Variants in C3orf33 observed in about 807,000 individuals in gnomAD.
C3orf33 encodes the protein AP-1 activity suppressor.
In C3orf33, 23 loss-of-function variants were observed where a neutral mutation model predicts 28.7. The ratio of observed to expected loss-of-function variants is 0.80; its 90% CI spans 0.58 to 1.13. The LOEUF is 1.13. Among genes scored for constraint, C3orf33 ranks in the 50% most tolerant of loss-of-function variants. C3orf33 has a pLI of 0.00. For synonymous variants in C3orf33, 119 were observed against 120.5 expected (o/e 0.99, Z 0.08); for missense variants, 327 against 353.4 (o/e 0.93, Z 0.60).
chr3:155,775,673 AGTTTC>A, intron 3 of C3orf33, 23 bp downstream of exon 3: 14 of 1,406,356 alleles, frequency 1.0e-5, no homozygotes, highest in Non-Finnish European at 1.4e-5. Flanking sequence ...CACAATAGTT[AGTTTC>A]ATTAATCTTG....
At chr3:155,798,799 A>C (rs191688154) in intron 2 of C3orf33, among the ~76,000 whole-genome samples, 195 of 152,340 alleles carry the variant, frequency 1.3e-3, no homozygotes, top group Non-Finnish European at 1.8e-3. Context: ...AAGCTTCTGC[A>C]CCACAAAGGA....
chr3:155,766,030 C>A (rs1035537720), intron 4 of C3orf33, among the ~76,000 whole-genome samples: 1 of 152,108 alleles, frequency 6.6e-6, no homozygotes, highest in Admixed American at 6.6e-5. Flanking sequence ...AAATTCTAAT[C>A]ATCTTATTTT....
chr3:155,792,870 G>A (rs533230422), intron 2 of C3orf33, among the ~76,000 whole-genome samples: 17 of 152,168 alleles, frequency 1.1e-4, no homozygotes, highest in African/African-American at 4.1e-4. Flanking sequence ...AAGAGTTATT[G>A]GCCTTGAAAA....
chr3:155,803,646 C>T (rs1156555962), intron 1 of C3orf33, among the ~76,000 whole-genome samples: 1 of 151,292 alleles, frequency 6.6e-6, no homozygotes, highest in African/African-American at 2.4e-5. Flanking sequence ...TTGGGGAGGC[C>T]GAGGCGGGTG....
intron 4 of C3orf33, among the ~76,000 whole-genome samples, chr3:155,765,530 C>A (rs358734): frequency 0.2 from 30,658 of 151,928 alleles, 3,655 homozygotes; most frequent in East Asian, 0.5. Flanking sequence ...TATTAACTTA[C>A]TTTTTTTGTT....
chr3:155,781,809 G>C (rs1750933922), intron 2 of C3orf33, among the ~76,000 whole-genome samples: 1 of 150,490 alleles, frequency 6.6e-6, no homozygotes, highest in South Asian at 2.1e-4. Context: ...CGGGTGCGGT[G>C]GCTCATGCCT....
chr3:155,786,814 G>T (rs1487431317), intron 2 of C3orf33, among the ~76,000 whole-genome samples: 1 of 152,184 alleles, frequency 6.6e-6, no homozygotes, highest in Non-Finnish European at 1.5e-5. Context: ...CTGGGCAACA[G>T]TGCAAGACTC....
At chr3:155,798,813 G>A (rs546119126) in intron 2 of C3orf33, among the ~76,000 whole-genome samples, 2 of 152,144 alleles carry the variant, frequency 1.3e-5, no homozygotes, top group East Asian at 1.9e-4. Context: ...CAAAGGAAAC[G>A]ATTACCAAAG....
At chr3:155,794,525 A>G (rs892242418) in intron 2 of C3orf33, among the ~76,000 whole-genome samples, 2 of 152,122 alleles carry the variant, frequency 1.3e-5, no homozygotes, top group Non-Finnish European at 2.9e-5. Context: ...TGACAGGAGT[A>G]AGTCATTACT....
chr3:155,778,477 C>T lies in C3orf33; in HGVS notation c.175-2629G>A, dbSNP rs886620592. Among the ~76,000 whole-genome samples the T allele has an allele frequency of 1.2e-4, 19 of 152,224 alleles. No individual in the cohort carries two copies. In the East Asian group the frequency reaches 3.5e-3, roughly 28 times the overall value. ...TGGTTTCACAAAGGAAGAGAGAATA[C>T]AACTGTAGCAAAATGTTAACAACTG... On this transcript the variant is annotated intron_variant, in intron 2 of 4. Coordinates refer to ENST00000340171, the MANE Select transcript of C3orf33 (RefSeq NM_001308229.2).
At chr3:155,774,951 A>G (rs1750695672) in intron 3 of C3orf33, among the ~76,000 whole-genome samples, 1 of 152,026 alleles carries the variant, frequency 6.6e-6, no homozygotes, top group South Asian at 2.1e-4. Context: ...ACTACTCTAT[A>G]TGTATAGATT....
At chr3:155,795,000 A>C (rs1313034662) in intron 2 of C3orf33, among the ~76,000 whole-genome samples, 1 of 152,212 alleles carries the variant, frequency 6.6e-6, no homozygotes, top group African/African-American at 2.4e-5. Context: ...TTCCAGATAG[A>C]AAATCAACAA....
At chr3:155,782,852 ATAT>A (rs1429832959) in intron 2 of C3orf33, among the ~76,000 whole-genome samples, 3 of 152,188 alleles carry the variant, frequency 2.0e-5, no homozygotes, top group Admixed American at 2.0e-4. Flanking sequence ...ATAAACACTA[ATAT>A]TATTGTAACA....
chr3:155,774,493 G>A (rs1433303658), intron 3 of C3orf33, among the ~76,000 whole-genome samples: 6 of 152,082 alleles, frequency 3.9e-5, no homozygotes, highest in African/African-American at 1.4e-4. Flanking sequence ...AGGTCTGTGT[G>A]TCTGGGTGCT....
intron 2 of C3orf33, among the ~76,000 whole-genome samples, chr3:155,786,214 T>TG (rs201604374): frequency 2.0e-5 from 3 of 150,582 alleles, no homozygotes; most frequent in East Asian, 2.0e-4. Flanking sequence ...TTTAAGGAAA[T>TG]GGGGGGAAAA....
intron 2 of C3orf33, among the ~76,000 whole-genome samples, chr3:155,795,942 C>A (rs1751463830): frequency 1.3e-5 from 2 of 151,872 alleles, no homozygotes; most frequent in African/African-American, 4.8e-5. Context: ...GGCAACAAAG[C>A]AAGACTCCAT....
chr3:155,790,038 C>A (rs1751262413), intron 2 of C3orf33, among the ~76,000 whole-genome samples: 1 of 151,818 alleles, frequency 6.6e-6, no homozygotes, highest in East Asian at 1.9e-4. Flanking sequence ...GTGGCGCATG[C>A]CTGTAGTCCC....
chr3:155,773,493 A>G (rs773441978), intron 3 of C3orf33, among the ~76,000 whole-genome samples: 1 of 152,240 alleles, frequency 6.6e-6, no homozygotes, highest in Non-Finnish European at 1.5e-5. Context: ...GCTAGATGGC[A>G]TTTAATCTCT....
chr3:155,775,760 TCA>T lies in C3orf33; in HGVS notation c.261_262del (p.Asn89TrpfsTer5). On this transcript the variant is annotated frameshift_variant, in exon 3 of 5. Transcript: ENST00000340171. LOFTEE classifies it high-confidence loss of function. ...TATATGTTCAATTTCTAAACCATTCTCAGTTATTCGGCGTAATCGTCCACGTA... is the reference window on the plus strand; with the variant it reads ...TATATGTTCAATTTCTAAACCATTCTGTTATTCGGCGTAATCGTCCACGTA... 1 of 1,593,542 alleles carries T rather than the reference TCA, an allele frequency of 6.3e-7. No individual in the cohort carries two copies.
Sources: gnomAD v4.1 joint callset for allele counts (sites outside exome capture counted in the v4.1 genomes callset) on GRCh38, gnomAD v4.1.1 for gene constraint, MANE v1.5 for transcripts, NCBI Gene and HGNC (gene_info 2026-07-23, HGNC 2026-07-21) for gene names.